PNLIPRP3: variants seen among roughly 807,000 people sequenced by gnomAD.
PNLIPRP3 encodes the protein pancreatic lipase related protein 3.
In PNLIPRP3, 58 loss-of-function variants were observed where a neutral mutation model predicts 52.8. The ratio of observed to expected loss-of-function variants is 1.10; its 90% CI spans 0.89 to 1.37. The LOEUF (loss-of-function observed/expected upper bound fraction) is 1.37. Ranked by LOEUF, PNLIPRP3 falls within the 40% of genes most tolerant of loss-of-function variation. PNLIPRP3 has a pLI of 0.00. For missense variants in PNLIPRP3, 593 were observed against 561.6 expected (o/e 1.06, Z -0.57); for synonymous variants, 192 against 185.0 (o/e 1.04, Z -0.31).
intron 2 of PNLIPRP3, among the ~76,000 whole-genome samples, chr10:116,441,768 GC>G (rs992476574): frequency 2.0e-5 from 3 of 152,098 alleles, no homozygotes; most frequent in Admixed American, 1.3e-4. Context: ...GTACTTTTTG[GC>G]AAGTTACTTG....
chr10:116,463,711 A>G (rs1171924904), intron 7 of PNLIPRP3, among the ~76,000 whole-genome samples: 5 of 152,236 alleles, frequency 3.3e-5, no homozygotes. Flanking sequence ...GTTGGAAGCA[A>G]TTATTACATA....
At chr10:116,434,343 A>G (rs1845748029) in intron 1 of PNLIPRP3, among the ~76,000 whole-genome samples, 1 of 152,204 alleles carries the variant, frequency 6.6e-6, no homozygotes, top group Non-Finnish European at 1.5e-5. Context: ...AATTCTCTAT[A>G]AACATTTTTA....
intron 11 of PNLIPRP3, 50 bp downstream of exon 11, chr10:116,476,869 G>C: frequency 1.3e-6 from 2 of 1,481,828 alleles, no homozygotes; most frequent in Non-Finnish European, 1.8e-6. Context: ...TTTTATAAAT[G>C]GTGTTTAAAC....
At chr10:116,460,043 G>A (rs531388511) in intron 5 of PNLIPRP3, among the ~76,000 whole-genome samples, 1 of 152,296 alleles carries the variant, frequency 6.6e-6, no homozygotes, top group South Asian at 2.1e-4. Context: ...TGGGATTACA[G>A]GTGTGAGCCA....
chr10:116,474,888 G>T (rs1240233477), intron 10 of PNLIPRP3, among the ~76,000 whole-genome samples: 2 of 152,140 alleles, frequency 1.3e-5, no homozygotes, highest in Non-Finnish European at 2.9e-5. Flanking sequence ...AGGCCTCAAA[G>T]ACCTAAAGAC....
Position 116,428,032 on chromosome 10 carries a change from T to C in PNLIPRP3, c.20T>C (p.Val7Ala), listed in dbSNP as rs750385633. The C allele has an allele frequency of 2.5e-6, 4 of 1,609,602 alleles. No individual in the cohort carries two copies. Among genetic ancestry groups the C allele is most frequent in the Non-Finnish European group, 3.4e-6 (4 of 1,176,906 alleles). Residue 7 changes from valine (V) to alanine (A), a missense_variant, in exon 1 of 12, where the codon GTT (valine) becomes GCT (alanine). Transcript: ENST00000369230. ...GCTTAGATGCTTGGAATTTGGATTG[T>C]TGCATTCTTGTTCTTTGGCACATCA... MLGIWI[V>A]AFLFFGTSRG...
At chr10:116,458,818 C>G (rs373374346) in intron 5 of PNLIPRP3, among the ~76,000 whole-genome samples, 5 of 152,124 alleles carry the variant, frequency 3.3e-5, no homozygotes, top group African/African-American at 1.2e-4. Context: ...CTCCTGGCCT[C>G]TCATTTCCTT....
At chr10:116,435,190 C>A (rs983614325) in intron 1 of PNLIPRP3, among the ~76,000 whole-genome samples, 1 of 151,992 alleles carries the variant, frequency 6.6e-6, no homozygotes, top group African/African-American at 2.4e-5. Context: ...TTTTTGGAGT[C>A]AGCATGCAGA....
intron 1 of PNLIPRP3, among the ~76,000 whole-genome samples, chr10:116,432,548 A>G (rs1045839969): frequency 1.3e-5 from 2 of 152,210 alleles, no homozygotes; most frequent in African/African-American, 4.8e-5. Flanking sequence ...GAAGTGAATC[A>G]TACAAACAGG....
intron 8 of PNLIPRP3, among the ~76,000 whole-genome samples, chr10:116,467,717 G>A (rs1846301891): frequency 6.6e-6 from 1 of 152,012 alleles, no homozygotes; most frequent in Non-Finnish European, 1.5e-5. Context: ...TATAAAATTT[G>A]AAATTTACAT....
At chr10:116,453,275 C>T (rs1846064582) in intron 4 of PNLIPRP3, among the ~76,000 whole-genome samples, 1 of 152,166 alleles carries the variant, frequency 6.6e-6, no homozygotes, top group Non-Finnish European at 1.5e-5. Flanking sequence ...CCTGTACCTC[C>T]CTTATGTCTT....
At chr10:116,475,407 C>A (rs2133162802) in intron 10 of PNLIPRP3, among the ~76,000 whole-genome samples, 2 of 152,156 alleles carry the variant, frequency 1.3e-5, no homozygotes, top group East Asian at 1.9e-4. Context: ...TGCACATGTA[C>A]CCCTGACCTT....
rs1434408114 is a variant in PNLIPRP3, at chr10:116,436,724, C to T, written c.63C>T (p.Cys21=). 6.2e-7 allele frequency: 1 copy of T among 1,609,048 alleles called. No individual in the cohort carries two copies. Among genetic ancestry groups the T allele is most frequent in the Non-Finnish European group, 8.5e-7 (1 of 1,177,092 alleles). Residue 21 remains cysteine (C), a synonymous_variant, in exon 2 of 12, where the codon TGC becomes TGT. Transcript: ENST00000369230. ...FFGTSRGKEV[C]YERLGCFKDG... is the part of the protein sequence containing the mutation. ...TTTCTGCTGCAGGAAAAGAAGTTTG[C>T]TATGAAAGGTTAGGGTGTTTCAAAG...
chr10:116,444,312 TCAAGTGTTGAGA>T (rs1845910288), intron 3 of PNLIPRP3, 58 bp from the exon 4 acceptor site: 1 of 1,311,742 alleles, frequency 7.6e-7, no homozygotes, highest in Non-Finnish European at 1.0e-6. Context: ...TATTATGGAA[TCAAGTGTTGAGA>T]CACGTCGGTT....
intron 9 of PNLIPRP3, among the ~76,000 whole-genome samples, chr10:116,470,410 G>C (rs575764596): frequency 6.6e-6 from 1 of 152,178 alleles, no homozygotes; most frequent in East Asian, 1.9e-4. Flanking sequence ...AGAATGGGCA[G>C]AGAGAAGGAA....
intron 9 of PNLIPRP3, among the ~76,000 whole-genome samples, chr10:116,470,065 A>G (rs1846342796): frequency 6.6e-6 from 1 of 152,126 alleles, no homozygotes; most frequent in Non-Finnish European, 1.5e-5. Context: ...AAATGCAGAA[A>G]AGCAAGGAGT....
intron 1 of PNLIPRP3, among the ~76,000 whole-genome samples, chr10:116,435,445 C>CA (rs35013184): frequency 0.044 from 6,266 of 141,474 alleles, 453 homozygotes; most frequent in African/African-American, 0.15. Flanking sequence ...ATAAATGAGC[C>CA]AAAAAAAAAA....
intron 3 of PNLIPRP3, 32 bp downstream of exon 3, chr10:116,443,206 G>A: frequency 1.3e-6 from 2 of 1,586,694 alleles, no homozygotes; most frequent in Non-Finnish European, 1.7e-6. Context: ...TTTTACACTA[G>A]CATGCGAGCT....
intron 3 of PNLIPRP3, among the ~76,000 whole-genome samples, chr10:116,443,954 C>T (rs980621969): frequency 6.6e-6 from 1 of 151,194 alleles, no homozygotes; most frequent in Non-Finnish European, 1.5e-5. Context: ...AAGAACTGCC[C>T]TAGACTGGGT....
Sources: gnomAD v4.1 joint callset for allele counts (sites outside exome capture counted in the v4.1 genomes callset) on GRCh38, gnomAD v4.1.1 for gene constraint, MANE v1.5 for transcripts, NCBI Gene and HGNC (gene_info 2026-07-23, HGNC 2026-07-21) for gene names.